The following YLPM1 variants were observed in gnomAD, a reference collection of about 807,000 sequenced individuals.
YLPM1 encodes YLP motif containing 1.
In YLPM1, 99 loss-of-function variants were observed where a neutral mutation model predicts 230.0. The observed-to-expected ratio is 0.43, with a 90% CI of 0.37 to 0.51. The LOEUF (loss-of-function observed/expected upper bound fraction) is 0.51, where lower values mean the gene tolerates loss of function less well. YLPM1 is among the 20% of genes least tolerant of loss of function. The pLI, the probability that YLPM1 is intolerant of heterozygous loss-of-function variation, is 0.00. For synonymous variants in YLPM1, 984 were observed against 942.5 expected (o/e 1.04, Z -0.81); for missense variants, 2,592 against 2,707.7 (o/e 0.96, Z 0.95).
chr14:74,827,742 C>G, intron 18 of YLPM1: 2 of 985,352 alleles, frequency 2.0e-6, no homozygotes, highest in South Asian at 4.7e-5. Context: ...ATACTGTACC[C>G]TGTTGAACCA....
At position 74,783,352 on chromosome 14, in the gene YLPM1, G is replaced by T. The variant is rs868147394; in HGVS notation, c.2282+1027G>T. On this transcript the variant is annotated intron_variant, in intron 4 of 20. Coordinates refer to ENST00000325680, the MANE Select transcript of YLPM1 (RefSeq NM_019589.3). The stretch of plus-strand genomic sequence containing the variant: ...CCTGCCTGCCGTGGCCTCCCAAAGT[G>T]CTGGGATTACAGGTGTGAGCCACCA... Among the ~76,000 whole-genome samples the T allele has an allele frequency of 5.3e-5, 8 of 152,176 alleles. No individual in the cohort carries two copies. In the South Asian group the frequency reaches 6.2e-4, roughly 12 times the overall value.
chr14:74,836,039 C>G lies in YLPM1; in HGVS notation c.*301C>G, dbSNP rs1232616460. ...TGGAGGATTCCAACAGAGAGTATTTCCTCCACTGTACAATGTCACAGACTA... is the reference window on the plus strand; with the variant it reads ...TGGAGGATTCCAACAGAGAGTATTTGCTCCACTGTACAATGTCACAGACTA... On this transcript the variant is annotated 3_prime_UTR_variant, in exon 21 of 21. Transcript: ENST00000325680. 1.1e-5 allele frequency: 4 copies of G among 378,334 alleles called. No homozygotes were observed. The highest frequency in any genetic ancestry group is 2.1e-5 in the Non-Finnish European group (4 of 194,286). The allele number at this position is 378,334 out of a possible 1,614,324, so 23.4% of individuals were successfully genotyped here.
chr14:74,821,354 G>T, intron 17 of YLPM1: 1 of 569,452 alleles, frequency 1.8e-6, no homozygotes, highest in Admixed American at 4.2e-5. Flanking sequence ...TTAACAGAGT[G>T]CTAAGAAACT....
intron 17 of YLPM1, chr14:74,821,544 G>A (rs537317585): frequency 9.1e-4 from 140 of 153,368 alleles, no homozygotes; most frequent in Non-Finnish European, 1.6e-3. Context: ...GTCAACAGAG[G>A]CAGAAGAACT....
intron 2 of YLPM1, 87 bp downstream of exon 2, chr14:74,778,770 A>C (rs1191646739): frequency 7.8e-7 from 1 of 1,288,768 alleles, no homozygotes; most frequent in African/African-American, 1.5e-5. Flanking sequence ...AAATGGATAT[A>C]TATTTTTGTT....
At chr14:74,792,210 T>G (rs1046128395) in intron 4 of YLPM1, among the ~76,000 whole-genome samples, 1 of 152,176 alleles carries the variant, frequency 6.6e-6, no homozygotes, top group African/African-American at 2.4e-5. Flanking sequence ...TCACCTTCTT[T>G]CGCCTTTGCC....
At chr14:74,768,305 A>T (rs1015922590) in intron 1 of YLPM1, among the ~76,000 whole-genome samples, 2 of 152,140 alleles carry the variant, frequency 1.3e-5, no homozygotes, top group Non-Finnish European at 2.9e-5. Context: ...GCTGGAGTGC[A>T]GTGGTGAAAT....
In YLPM1 at chr14:74,797,593, C is replaced by T. The variant is rs1334221876; in HGVS notation, c.2296C>T (p.Arg766Ter). The T allele has an allele frequency of 2.0e-6, 3 of 1,479,076 alleles. No individual in the cohort carries two copies. Among genetic ancestry groups the T allele is most frequent in the East Asian group, 2.4e-5 (1 of 41,900 alleles). The allele number at this position is 1,479,076 out of a possible 1,614,324, so 91.6% of individuals were successfully genotyped here. Residue 766 changes from arginine to a stop codon, truncating the protein, a stop_gained, in exon 5 of 21, where the codon CGA (arginine) becomes TGA (stop). Coordinates refer to ENST00000325680, the MANE Select transcript of YLPM1 (RefSeq NM_019589.3). LOFTEE classifies it high-confidence loss of function. ...TTTTACTTGTAGATTTGATGGTCCTCGAAGATTTGAGGATTTAGGGTCAAG... is the reference window on the plus strand; with the variant it reads ...TTTTACTTGTAGATTTGATGGTCCTTGAAGATTTGAGGATTTAGGGTCAAG... ...SPRGPRFDGP[R>*]RFEDLGSRCE...
intron 8 of YLPM1, 34 bp from the exon 9 acceptor site, chr14:74,810,191 G>T: frequency 1.3e-6 from 2 of 1,597,048 alleles, no homozygotes; most frequent in South Asian, 2.3e-5. Flanking sequence ...TCTATAAAAG[G>T]GATATAGTTA....
At chr14:74,833,694 C>G (rs777192606) in intron 19 of YLPM1, among the ~76,000 whole-genome samples, 2 of 152,212 alleles carry the variant, frequency 1.3e-5, no homozygotes, top group Non-Finnish European at 2.9e-5. Flanking sequence ...TTTCTATACA[C>G]TAAAAACCTA....
At chr14:74,768,917 C>T (rs1405088850) in intron 1 of YLPM1, among the ~76,000 whole-genome samples, 1 of 151,738 alleles carries the variant, frequency 6.6e-6, no homozygotes, top group Non-Finnish European at 1.5e-5. Flanking sequence ...TTTAAGTTAC[C>T]ACTGTATTCA....
chr14:74,777,974 CAAA>C (rs138166786), intron 1 of YLPM1, among the ~76,000 whole-genome samples: 6 of 141,152 alleles, frequency 4.3e-5, no homozygotes, highest in Admixed American at 7.1e-5. Context: ...GATGCAGTCT[CAAA>C]AAAAAAAGAA....
At chr14:74,803,761 C>T (rs555026552) in intron 6 of YLPM1, among the ~76,000 whole-genome samples, 16 of 152,244 alleles carry the variant, frequency 1.1e-4, no homozygotes, top group African/African-American at 3.6e-4. Flanking sequence ...TTTGTCCTAC[C>T]CTGCTGCTGA....
intron 6 of YLPM1, among the ~76,000 whole-genome samples, chr14:74,804,130 C>A (rs2091354911): frequency 6.6e-6 from 1 of 152,200 alleles, no homozygotes; most frequent in Non-Finnish European, 1.5e-5. Flanking sequence ...GCACTCCAGC[C>A]TGGGCAACGG....
intron 12 of YLPM1, 39 bp from the exon 13 acceptor site, chr14:74,816,532 A>G: frequency 2.5e-6 from 4 of 1,578,366 alleles, no homozygotes; most frequent in Non-Finnish European, 3.4e-6. Flanking sequence ...AATTTATTCC[A>G]TAAATTCGTT....
intron 1 of YLPM1, among the ~76,000 whole-genome samples, chr14:74,764,939 G>A (rs1462199486): frequency 1.3e-5 from 2 of 152,160 alleles, no homozygotes; most frequent in South Asian, 2.1e-4. Context: ...ACATAGATGA[G>A]TCCCGAGACC....
intron 6 of YLPM1, among the ~76,000 whole-genome samples, chr14:74,805,124 A>G (rs1218503754): frequency 4.7e-5 from 7 of 150,366 alleles, no homozygotes; most frequent in Non-Finnish European, 1.0e-4. Context: ...GGTTTAAGCG[A>G]TTCTCCTGCC....
At chr14:74,808,722 T>C (rs1013475123) in intron 6 of YLPM1, among the ~76,000 whole-genome samples, 2 of 151,354 alleles carry the variant, frequency 1.3e-5, no homozygotes, top group African/African-American at 4.9e-5. Flanking sequence ...GAGAATCACT[T>C]GAACCTGGGA....
rs1156683068 is a variant in YLPM1 at position 74,799,366 on chromosome 14, CGA to C, written c.4073_4074del (p.Glu1358AlafsTer4). 6.2e-7 allele frequency: 1 copy of C among 1,613,810 alleles called. No individual in the cohort carries two copies. Among genetic ancestry groups the C allele is most frequent in the African/African-American group, 1.3e-5 (1 of 74,898 alleles). On this transcript the variant is annotated frameshift_variant, in exon 5 of 21. Coordinates refer to ENST00000325680, the MANE Select transcript of YLPM1 (RefSeq NM_019589.3). LOFTEE classifies it high-confidence loss of function. ...RDDRWREERN[R>X]EHGYDRDFRD... ...TGATAGATGGAGAGAAGAAAGAAAT[CGA>C]GAGCATGGGTATGATCGAGATTTCC... is the stretch of plus-strand genomic sequence containing the variant.
Sources: allele counts gnomAD v4.1 joint callset (sites outside exome capture counted in the v4.1 genomes callset), GRCh38; gene constraint gnomAD v4.1.1; transcripts MANE v1.5; gene names NCBI Gene and HGNC (gene_info 2026-07-23, HGNC 2026-07-21).